The following OSBP variants were observed in gnomAD, a reference collection of about 807,000 sequenced individuals.
OSBP encodes the protein oxysterol binding protein.
Under a neutral mutation model 96.6 loss-of-function variants are expected in OSBP, and 32 were observed. The ratio of observed to expected loss-of-function variants is 0.33; its 90% CI spans 0.25 to 0.45. OSBP has a LOEUF of 0.45. OSBP is among the 20% of genes least tolerant of loss of function. The probability of loss-of-function intolerance (pLI) is 1.00; values close to 1 mark genes in which losing one functional copy is unlikely to be tolerated. For missense variants in OSBP, 653 were observed against 1,029.7 expected, an observed-to-expected ratio of 0.63 and a Z score of 5.01; for synonymous variants, 369 against 389.6, an observed-to-expected ratio of 0.95 and a Z score of 0.62.
intron 7 of OSBP, among the ~76,000 whole-genome samples, chr11:59,599,249 C>T (rs751044522): frequency 8.5e-5 from 13 of 152,158 alleles, no homozygotes; most frequent in African/African-American, 2.2e-4. Flanking sequence ...GCAGATGATA[C>T]GTAAATGAAA....
At chr11:59,583,011 T>TA (rs1445161433) in intron 9 of OSBP, among the ~76,000 whole-genome samples, 8 of 152,258 alleles carry the variant, frequency 5.3e-5, no homozygotes, top group African/African-American at 1.9e-4. Context: ...GATATATAGT[T>TA]AATAATACTC....
At chr11:59,593,523 C>G in intron 9 of OSBP, 81 bp downstream of exon 9, 1 of 1,514,964 alleles carries the variant, frequency 6.6e-7, no homozygotes, top group South Asian at 1.1e-5. Flanking sequence ...TCTCCTGACT[C>G]TTTAGCCAGT....
At chr11:59,586,221 A>C (rs1860498819) in intron 9 of OSBP, among the ~76,000 whole-genome samples, 1 of 152,008 alleles carries the variant, frequency 6.6e-6, no homozygotes, top group Admixed American at 6.6e-5. Context: ...AAATGAATTC[A>C]ACAAAGTAAC....
intron 9 of OSBP, among the ~76,000 whole-genome samples, chr11:59,588,184 A>G (rs1322173864): frequency 6.6e-6 from 1 of 152,242 alleles, no homozygotes. Flanking sequence ...TAAAGTAGTT[A>G]AAATAGAGAC....
At position 59,610,447 on chromosome 11, in the gene OSBP, G is replaced by A; in HGVS notation, c.505C>T (p.Arg169Trp). The A allele has an allele frequency of 6.2e-7, 1 of 1,614,072 alleles. No homozygotes were observed. Among genetic ancestry groups the A allele is most frequent in the Non-Finnish European group, 8.5e-7 (1 of 1,180,014 alleles). The change falls in exon 2 of 14, where the codon CGG (arginine) becomes TGG (tryptophan). Residue 169 changes from arginine (R) to tryptophan (W), a missense_variant. Physicochemically the swap from Arg to Trp is moderately radical, Grantham distance 101 (BLOSUM62 -3). This residue lies in a region of OSBP where 308 missense variants were observed against 573.1 expected (regional missense o/e 0.54). Coordinates refer to ENST00000263847, the MANE Select transcript of OSBP (RefSeq NM_002556.3). ...YHLKASSEVE[R>W]QRWVTALELA... ...TCCAGGGCCGTCACCCAGCGCTGCC[G>A]CTCAACTTCTGAACTAGCTTTCAGA...
At position 59,576,983 on chromosome 11, in the gene OSBP, C is replaced by G. The variant is rs752380124; in HGVS notation, c.2103G>C (p.Leu701=). 1 of 1,614,164 alleles carries G rather than the reference C, an allele frequency of 6.2e-7. No homozygotes were observed. The highest frequency in any genetic ancestry group is 8.5e-7 in the Non-Finnish European group (1 of 1,180,034). The change falls in exon 13 of 14, where the codon CTG becomes CTC. Residue 701 remains leucine, a synonymous_variant. Coordinates refer to ENST00000263847, the MANE Select transcript of OSBP (RefSeq NM_002556.3). ...TGCCACTTTCCCAAGCATTGAGAGTCAGAGCAAGCTCTGAGAAGTAGTACA... is the reference window on the plus strand; with the variant it reads ...TGCCACTTTCCCAAGCATTGAGAGTGAGAGCAAGCTCTGAGAAGTAGTACA... ...ENMYYFSELA[L]TLNAWESGTA...
intron 9 of OSBP, among the ~76,000 whole-genome samples, chr11:59,583,940 GTTTTTTTTTTTTTTT>G (rs1196897419): frequency 2.1e-5 from 2 of 93,582 alleles, no homozygotes. Flanking sequence ...ACCTGATGGT[GTTTTTTTTTTTTTTT>G]TTTTTTTTGA....
At chr11:59,613,922 G>A (rs1208485565) in intron 1 of OSBP, among the ~76,000 whole-genome samples, 1 of 152,184 alleles carries the variant, frequency 6.6e-6, no homozygotes, top group African/African-American at 2.4e-5. Context: ...ATGGAAAAGA[G>A]ACTTGTTCAG....
chr11:59,603,529 GTTTTTTTT>G (rs370609645), intron 3 of OSBP, among the ~76,000 whole-genome samples: 344 of 86,782 alleles, frequency 4.0e-3, no homozygotes, highest in African/African-American at 0.014. Flanking sequence ...ATCACCTTCA[GTTTTTTTT>G]TTTTTTTTTT....
rs79656158 is a variant in OSBP, at chr11:59,610,019, C to T, written c.571+362G>A. ...TTAAAAGGCAAAAGAACAACTGTTA[C>T]GCCTCTAGGACAGAATTTTTCAACC... On this transcript the variant is annotated intron_variant, in intron 2 of 13. Coordinates refer to ENST00000263847, the MANE Select transcript of OSBP (RefSeq NM_002556.3). Among the ~76,000 whole-genome samples, 768 of 152,250 alleles carry T rather than the reference C, an allele frequency of 5.0e-3. 5 individuals are homozygous for T. The highest frequency in any genetic ancestry group is 0.017 in the African/African-American group (709 of 41,544).
chr11:59,576,899 C>T lies in OSBP; in HGVS notation c.2187G>A (p.Trp729Ter), dbSNP rs1216203206. ...GCTGCTTCTCCGCATTTGCTTCATC[C>T]CAGCGTCCATTTTCCATCAGTCTCT... ...PDQRLMENGRWDEANAEKQRL... is the reference protein window; with the variant it reads ...PDQRLMENGR Residue 729 changes from tryptophan to a stop codon, truncating the protein, a stop_gained, in exon 13 of 14, where the codon TGG becomes TGA. Coordinates refer to ENST00000263847, the MANE Select transcript of OSBP (RefSeq NM_002556.3). LOFTEE classifies it high-confidence loss of function. 1 of 1,614,174 alleles carries T rather than the reference C, an allele frequency of 6.2e-7. No homozygotes were observed. Among genetic ancestry groups the T allele is most frequent in the Non-Finnish European group, 8.5e-7 (1 of 1,180,026 alleles).
intron 3 of OSBP, 63 bp from the exon 4 acceptor site, chr11:59,601,901 C>T: frequency 6.8e-7 from 1 of 1,463,422 alleles, no homozygotes. Flanking sequence ...CAGGCTTCTG[C>T]AAGCCCATTG....
intron 2 of OSBP, among the ~76,000 whole-genome samples, chr11:59,609,713 A>G (rs1049066848): frequency 1.3e-5 from 2 of 152,168 alleles, no homozygotes; most frequent in African/African-American, 2.4e-5. Context: ...AACTATCAAT[A>G]TATCAGGAGA....
intron 9 of OSBP, among the ~76,000 whole-genome samples, chr11:59,590,427 A>G (rs1291456556): frequency 2.6e-5 from 4 of 152,208 alleles, no homozygotes; most frequent in African/African-American, 7.2e-5. Flanking sequence ...CAGATCACAT[A>G]CTAGCTGGTT....
At chr11:59,593,779 G>A (rs1348104881) in intron 8 of OSBP, 55 bp from the exon 9 acceptor site, 15 of 1,604,856 alleles carry the variant, frequency 9.3e-6, no homozygotes, top group Non-Finnish European at 1.2e-5. Context: ...AAAAGATACT[G>A]CCTATAAATT....
chr11:59,612,383 G>A (rs1164536710), intron 1 of OSBP, among the ~76,000 whole-genome samples: 1 of 152,080 alleles, frequency 6.6e-6, no homozygotes, highest in Non-Finnish European at 1.5e-5. Context: ...AGGCCAGCTC[G>A]CTCATGTTTT....
intron 9 of OSBP, among the ~76,000 whole-genome samples, chr11:59,582,861 A>T (rs1047329840): frequency 6.6e-6 from 1 of 152,182 alleles, no homozygotes; most frequent in African/African-American, 2.4e-5. Context: ...TGTGCAGTAA[A>T]TGTCTGTTTA....
chr11:59,600,794 C>T, intron 6 of OSBP, 25 bp downstream of exon 6: 1 of 1,606,200 alleles, frequency 6.2e-7, no homozygotes, highest in Non-Finnish European at 8.5e-7. Flanking sequence ...TCCCTCACCT[C>T]TGAGATCTCC....
At chr11:59,586,163 T>C (rs954694722) in intron 9 of OSBP, among the ~76,000 whole-genome samples, 2 of 39,778 alleles carry the variant, frequency 5.0e-5, no homozygotes, top group Non-Finnish European at 1.1e-4. Flanking sequence ...GAATGATCAA[T>C]AAAAAATAAA....
Sources: gnomAD v4.1 joint callset for allele counts (sites outside exome capture counted in the v4.1 genomes callset) on GRCh38, gnomAD v4.1.1 for gene constraint, gnomAD v4.1.1 regional missense constraint, MANE v1.5 for transcripts, NCBI Gene and HGNC (gene_info 2026-07-23, HGNC 2026-07-21) for gene names.